VGLL1: variants seen among roughly 807,000 people sequenced by gnomAD.
VGLL1 encodes transcription cofactor vestigial-like protein 1.
A neutral mutation model predicts 12.0 loss-of-function variants in VGLL1; 4 were observed. The observed-to-expected ratio is 0.33, with a 90% confidence interval of 0.16 to 0.76. VGLL1 has a LOEUF of 0.76. Among genes scored for constraint, VGLL1 ranks in the 30% least tolerant of loss-of-function variants. The pLI is 0.60. For synonymous variants in VGLL1, 87 were observed against 81.2 expected, an observed-to-expected ratio of 1.07 and a Z score of -0.39; for missense variants, 204 against 208.7, an observed-to-expected ratio of 0.98 and a Z score of 0.14.
At chrX:136,542,559 A>T (rs919451843) in intron 2 of VGLL1, among the ~76,000 whole-genome samples, 1 of 112,500 alleles carries the variant, frequency 8.9e-6, no homozygotes, top group Admixed American at 9.4e-5. Flanking sequence ...GGTGCTCATT[A>T]CCCAGTTTAT....
chrX:136,542,426 A>G (rs1425896315), intron 2 of VGLL1, among the ~76,000 whole-genome samples: 1 of 111,991 alleles, frequency 8.9e-6, no homozygotes, highest in East Asian at 2.8e-4. Context: ...TATAAAGTTC[A>G]AAGACAGGCA....
chrX:136,550,800 A>T lies in VGLL1; in HGVS notation c.667A>T (p.Ser223Cys), dbSNP rs1127688. 1 of 1,210,018 alleles carries T rather than the reference A, an allele frequency of 8.3e-7. No homozygotes were observed. Among genetic ancestry groups the T allele is most frequent in the Non-Finnish European group, 1.1e-6 (1 of 894,223 alleles). ...KKLYVSRGSA[S>C]TSLPNETLSE... ...ACTATATGTATCTCGTGGATCTGCC[A>T]GTACCAGCCTTCCAAATGAAAGTAG... The change falls in exon 4 of 5, where the codon AGT (serine) becomes TGT (cysteine). Residue 223 changes from serine to cysteine, a missense_variant. Physicochemically the swap from Ser to Cys is moderately radical, Grantham distance 112 (BLOSUM62 -1). Transcript: ENST00000370634.
At chrX:136,546,131 C>T (rs2075869031) in intron 2 of VGLL1, among the ~76,000 whole-genome samples, 1 of 111,648 alleles carries the variant, frequency 9.0e-6, no homozygotes, top group South Asian at 3.7e-4. Flanking sequence ...GAGAAGGCAG[C>T]AAATTCTGCC....
At chrX:136,555,876 G>A (rs1424114426) in intron 4 of VGLL1, among the ~76,000 whole-genome samples, 7 of 111,430 alleles carry the variant, frequency 6.3e-5, no homozygotes. Context: ...TGAATTTCAA[G>A]TGCGAACTCT....
chrX:136,538,884 T>C (rs1478351341), intron 2 of VGLL1, among the ~76,000 whole-genome samples: 1 of 93,044 alleles, frequency 1.1e-5, no homozygotes, highest in African/African-American at 4.4e-5. Flanking sequence ...GGAAATGATG[T>C]AGAGCTTGCT....
intron 2 of VGLL1, among the ~76,000 whole-genome samples, chrX:136,541,779 C>T (rs2075856707): frequency 8.9e-6 from 1 of 112,228 alleles, no homozygotes; most frequent in East Asian, 2.8e-4. Flanking sequence ...ACACAGAGAC[C>T]CGTGTGGCTA....
chrX:136,536,630 A>G (rs931725082), intron 2 of VGLL1, among the ~76,000 whole-genome samples: 3 of 111,662 alleles, frequency 2.7e-5, no homozygotes, highest in Non-Finnish European at 5.6e-5. Context: ...CAAATATCCT[A>G]TTACAGATTC....
At chrX:136,553,062 A>G (rs768809643) in intron 4 of VGLL1, among the ~76,000 whole-genome samples, 11 of 111,499 alleles carry the variant, frequency 9.9e-5, no homozygotes, top group African/African-American at 3.6e-4. Context: ...CCTTTCTAAC[A>G]CTGTGGCCCT....
intron 4 of VGLL1, 124 bp downstream of exon 4, chrX:136,550,945 C>T (rs750577539): frequency 1.7e-5 from 10 of 586,127 alleles, no homozygotes; most frequent in East Asian, 3.5e-5. Context: ...CAGTAATGGA[C>T]GGGAGCCTTA....
chrX:136,553,379 C>T (rs752076722), intron 4 of VGLL1, among the ~76,000 whole-genome samples: 119 of 100,278 alleles, frequency 1.2e-3, no homozygotes, highest in African/African-American at 4.0e-3. Context: ...GGCGCAATCT[C>T]GGCTCACTGC....
At chrX:136,544,579 C>T (rs968826687) in intron 2 of VGLL1, among the ~76,000 whole-genome samples, 1 of 112,497 alleles carries the variant, frequency 8.9e-6, no homozygotes, top group African/African-American at 3.2e-5. Context: ...TTTAACCATT[C>T]TGGGTCTCGA....
chrX:136,550,930 G>A, intron 4 of VGLL1, 109 bp downstream of exon 4: 1 of 685,050 alleles, frequency 1.5e-6, no homozygotes, highest in Non-Finnish European at 2.3e-6. Context: ...AAAACCCAGA[G>A]TCTCCAGTAA....
intron 2 of VGLL1, among the ~76,000 whole-genome samples, chrX:136,542,543 G>A (rs1409294533): frequency 1.8e-5 from 2 of 112,565 alleles, no homozygotes; most frequent in Non-Finnish European, 3.8e-5. Context: ...TCTGTTACTC[G>A]AGCTGGGTGC....
chrX:136,536,667 C>T (rs992885884), intron 2 of VGLL1, among the ~76,000 whole-genome samples: 1 of 112,275 alleles, frequency 8.9e-6, no homozygotes, highest in African/African-American at 3.2e-5. Flanking sequence ...CTCTCCTTCA[C>T]AGCCCTTGTC....
At position 136,548,736 on chromosome X, in the gene VGLL1, G is replaced by A; in HGVS notation, c.362G>A (p.Arg121Lys). Residue 121 changes from arginine (R) to lysine (K), a missense_variant, in exon 3 of 5, where the codon AGG becomes AAG. Coordinates refer to ENST00000370634, the MANE Select transcript of VGLL1 (RefSeq NM_016267.4). Reference protein sequence around the residue: ...AVNQFSPSLARRASVRPGELW... With the variant: ...AVNQFSPSLAKRASVRPGELW... ...AATCAGTTCTCACCGTCCCTGGCTA[G>A]GAGGGCCTCTGTTCGGCCTGGGGAG... is the stretch of plus-strand genomic sequence containing the variant. 5 of 1,212,156 alleles carry A rather than the reference G, an allele frequency of 4.1e-6. No homozygotes were observed. The highest frequency in any genetic ancestry group is 5.6e-6 in the Non-Finnish European group (5 of 895,603).
At chrX:136,535,428 A>C (rs1294713421) in intron 1 of VGLL1, among the ~76,000 whole-genome samples, 1 of 111,949 alleles carries the variant, frequency 8.9e-6, no homozygotes, top group East Asian at 2.8e-4. Context: ...AGTTTCTAAG[A>C]TGGGATGCGG....
chrX:136,546,457 G>A (rs2075869890), intron 2 of VGLL1, among the ~76,000 whole-genome samples: 1 of 112,182 alleles, frequency 8.9e-6, no homozygotes, highest in Admixed American at 9.4e-5. Context: ...TTTGGGGTTA[G>A]GACACCCTGT....
chrX:136,544,701 C>A (rs2075865109), intron 2 of VGLL1, among the ~76,000 whole-genome samples: 1 of 112,341 alleles, frequency 8.9e-6, no homozygotes, highest in Non-Finnish European at 1.9e-5. Flanking sequence ...TATATATTTA[C>A]AAATTGTTCC....
chrX:136,540,076 C>T (rs767403250), intron 2 of VGLL1, among the ~76,000 whole-genome samples: 16 of 112,002 alleles, frequency 1.4e-4, no homozygotes, highest in East Asian at 2.8e-4. Context: ...CATCACCCCC[C>T]GCTGAATTGC....
Sources: gnomAD v4.1 joint callset for allele counts (sites outside exome capture counted in the v4.1 genomes callset) on GRCh38, gnomAD v4.1.1 for gene constraint, MANE v1.5 for transcripts, NCBI Gene and HGNC (gene_info 2026-07-23, HGNC 2026-07-21) for gene names.